BAG3: variants seen among roughly 807,000 people sequenced by gnomAD.
The protein encoded by BAG3 is BAG family molecular chaperone regulator 3.
BAG3 carries 14 observed loss-of-function variants against 40.5 expected under a neutral mutation model. The observed-to-expected ratio is 0.35, with a 90% CI of 0.23 to 0.54. The LOEUF (loss-of-function observed/expected upper bound fraction) is 0.54, where lower values mean the gene tolerates loss of function less well. Ranked by LOEUF, BAG3 falls within the 20% of genes least tolerant of loss-of-function variation. BAG3 has a pLI of 0.91. For missense variants in BAG3, 788 were observed against 758.6 expected, an observed-to-expected ratio of 1.04 and a Z score of -0.46; for synonymous variants, 302 against 307.8, an observed-to-expected ratio of 0.98 and a Z score of 0.20.
rs767539919 is a variant in BAG3 at position 119,677,000 on chromosome 10, C to T, written c.1446C>T (p.Asp482=). The change falls in exon 4 of 4, where the codon GAC becomes GAT. Residue 482 remains aspartate, a synonymous_variant. Transcript: ENST00000369085. The stretch of plus-strand genomic sequence containing the variant: ...CCGATGTGCGTCAGGCCAGGAGAGA[C>T]GGTGTCAGGAAGGTTCAGACCATCT... ...GRADVRQARR[D]GVRKVQTILE... The T allele has an allele frequency of 2.3e-5, 37 of 1,614,040 alleles. No homozygotes were observed. Among genetic ancestry groups the T allele is most frequent in the Admixed American group, 1.8e-4 (11 of 59,990 alleles).
At chr10:119,652,787 T>A (rs188422797) in intron 1 of BAG3, among the ~76,000 whole-genome samples, 7 of 152,368 alleles carry the variant, frequency 4.6e-5, no homozygotes, top group African/African-American at 1.7e-4. Flanking sequence ...CTCATTTACA[T>A]ACATGCAAGG....
rs141355480 is a variant in BAG3 at position 119,669,900 on chromosome 10, C to T, written c.230C>T (p.Pro77Leu). The change falls in exon 2 of 4, where the codon CCG (proline) becomes CTG (leucine). Residue 77 changes from proline to leucine, a missense_variant. Pro to Leu is a moderately conservative substitution (Grantham distance 98, BLOSUM62 -3). Coordinates refer to ENST00000369085, the MANE Select transcript of BAG3 (RefSeq NM_004281.4). ...CCTTCCCGGGAGGGCTCTAGGCTGC[C>T]GCCTGCTAGGGAAGGCCACCCTGTG... ...NGPSREGSRL[P>L]PAREGHPVYP... is the part of the protein sequence containing the mutation. The T allele has an allele frequency of 3.1e-4, 505 of 1,614,220 alleles. 1 individual carries two copies. The highest frequency in any genetic ancestry group is 3.9e-4 in the Non-Finnish European group (455 of 1,180,040).
At chr10:119,674,074 C>G (rs965065104) in intron 3 of BAG3, among the ~76,000 whole-genome samples, 1 of 152,212 alleles carries the variant, frequency 6.6e-6, no homozygotes, top group South Asian at 2.1e-4. Context: ...TCATGAGCAC[C>G]GCATTTAGAT....
intron 1 of BAG3, among the ~76,000 whole-genome samples, chr10:119,661,813 T>C (rs1846995269): frequency 6.6e-6 from 1 of 152,076 alleles, no homozygotes. Context: ...TTCAGAATTT[T>C]CCCCAACTCT....
At position 119,651,537 on chromosome 10, in the gene BAG3, A is replaced by T; in HGVS notation, c.-139A>T. ...CTCTGGCCACGTCACCCCCGCCTTT[A>T]ATTCATAAAGGTGCCCGGCGCCGGC... On this transcript the variant is annotated 5_prime_UTR_variant, in exon 1 of 4. Coordinates refer to ENST00000369085, the MANE Select transcript of BAG3 (RefSeq NM_004281.4). 1.4e-6 allele frequency: 1 copy of T among 735,804 alleles called. No individual in the cohort carries two copies. Among genetic ancestry groups the T allele is most frequent in the Non-Finnish European group, 2.0e-6 (1 of 512,366 alleles). 45.6% of individuals were successfully genotyped at this position (735,804 alleles called of 1,614,324 possible). A position where few individuals can be genotyped will look rare whatever the true frequency, so the allele number is the denominator to read the frequency against.
At chr10:119,658,943 T>C (rs1011688212) in intron 1 of BAG3, among the ~76,000 whole-genome samples, 3 of 152,092 alleles carry the variant, frequency 2.0e-5, no homozygotes, top group East Asian at 3.8e-4. Context: ...GTGTGTGGCC[T>C]CTCCACACAG....
At chr10:119,675,818 TTCCTTCCCCCTTCCCCCTTCCC>T (rs1423240380) in intron 3 of BAG3, among the ~76,000 whole-genome samples, 1 of 36,078 alleles carries the variant, frequency 2.8e-5, no homozygotes, top group Non-Finnish European at 5.0e-5. Context: ...CCTTCCCTGC[TTCCTTCCCCCTTCCCCCTTCCC>T]TCCTTCCTTC....
intron 3 of BAG3, among the ~76,000 whole-genome samples, chr10:119,675,134 C>G (rs1197441421): frequency 6.6e-6 from 1 of 152,176 alleles, no homozygotes; most frequent in Non-Finnish European, 1.5e-5. Flanking sequence ...AAATTCAAGA[C>G]CAGCCTGGGC....
At chr10:119,670,394 G>A (rs976335429) in intron 2 of BAG3, among the ~76,000 whole-genome samples, 1 of 152,228 alleles carries the variant, frequency 6.6e-6, no homozygotes, top group South Asian at 2.1e-4. Flanking sequence ...AGTGGGGCAG[G>A]GCAGGAATCA....
chr10:119,673,700 ATGT>A (rs1222890907), intron 3 of BAG3, among the ~76,000 whole-genome samples: 1 of 152,210 alleles, frequency 6.6e-6, no homozygotes, highest in Non-Finnish European at 1.5e-5. Flanking sequence ...TCATCTTAAA[ATGT>A]TGTTTTATTT....
rs559381028 is a variant in BAG3 at position 119,660,681 on chromosome 10, A to AAAAT, written c.180+8844_180+8847dup. On this transcript the variant is annotated intron_variant, in intron 1 of 3. Transcript: ENST00000369085. ...GGCCCCATAGTGAGACCTTGTCTCT[A>AAAAT]AAATAAATAAATAAATAAATATTTT... Among the ~76,000 whole-genome samples, 27 of 152,184 alleles carry AAAAT rather than the reference A, an allele frequency of 1.8e-4. No homozygotes were observed. The East Asian group carries it at 2.5e-3, about 14-fold the overall frequency.
chr10:119,676,382 C>G, intron 3 of BAG3, 82 bp from the exon 4 acceptor site: 1 of 1,463,996 alleles, frequency 6.8e-7, no homozygotes, highest in Non-Finnish European at 9.4e-7. Flanking sequence ...TCTCAGTTTT[C>G]TTTCTAATCT....
chr10:119,668,734 G>A (rs1282623504), intron 1 of BAG3, among the ~76,000 whole-genome samples: 1 of 152,212 alleles, frequency 6.6e-6, no homozygotes, highest in East Asian at 1.9e-4. Context: ...ATAAGAGAAG[G>A]ACCCCAACTG....
chr10:119,655,028 C>T (rs1295657827), intron 1 of BAG3, among the ~76,000 whole-genome samples: 2 of 152,278 alleles, frequency 1.3e-5, no homozygotes, highest in Non-Finnish European at 2.9e-5. Context: ...CTATTAAGTC[C>T]AGAAAGCTTT....
chr10:119,662,125 G>A (rs1846999620), intron 1 of BAG3, among the ~76,000 whole-genome samples: 1 of 151,694 alleles, frequency 6.6e-6, no homozygotes, highest in Non-Finnish European at 1.5e-5. Context: ...TCAGCTCACT[G>A]CAACCTCTGC....
intron 3 of BAG3, 71 bp from the exon 4 acceptor site, chr10:119,676,393 G>GTACTAGC: frequency 6.5e-7 from 1 of 1,527,716 alleles, no homozygotes; most frequent in Admixed American, 1.7e-5. Flanking sequence ...TTTCTAATCT[G>GTACTAGC]TACTAGCTAC....
At chr10:119,667,922 C>T (rs925385159) in intron 1 of BAG3, among the ~76,000 whole-genome samples, 3 of 152,224 alleles carry the variant, frequency 2.0e-5, no homozygotes, top group Admixed American at 1.3e-4. Flanking sequence ...GGACAGAATG[C>T]CCACAGGCAC....
chr10:119,669,789 C>G, intron 1 of BAG3, 62 bp from the exon 2 acceptor site: 1 of 1,517,522 alleles, frequency 6.6e-7, no homozygotes, highest in South Asian at 1.1e-5. Flanking sequence ...AGTGTTTCCT[C>G]TGCCAGGAGG....
Position 119,676,978 on chromosome 10 carries a change from A to G in BAG3, c.1424A>G (p.Asp475Gly), listed in dbSNP as rs759863001. The G allele has an allele frequency of 6.2e-7, 1 of 1,614,184 alleles. No individual in the cohort carries two copies. Among genetic ancestry groups the G allele is most frequent in the South Asian group, 1.1e-5 (1 of 91,082 alleles). Reference sequence around the variant, plus strand: ...TCAGTGGACCCCGAGGGACGAGCCGATGTGCGTCAGGCCAGGAGAGACGGT... The same window carrying G: ...TCAGTGGACCCCGAGGGACGAGCCGGTGTGCGTCAGGCCAGGAGAGACGGT... ...LDSVDPEGRA[D>G]VRQARRDGVR... Residue 475 changes from aspartate (D) to glycine (G), a missense_variant, in exon 4 of 4, where the codon GAT (aspartate) becomes GGT (glycine). Asp to Gly is a moderately conservative substitution (Grantham distance 94, BLOSUM62 -1). Transcript: ENST00000369085.
Sources: gnomAD v4.1 joint callset for allele counts (sites outside exome capture counted in the v4.1 genomes callset) on GRCh38, gnomAD v4.1.1 for gene constraint, MANE v1.5 for transcripts, NCBI Gene and HGNC (gene_info 2026-07-23, HGNC 2026-07-21) for gene names.